The following ADCY1 variants were observed in gnomAD, a reference collection of about 807,000 sequenced individuals.
The protein encoded by ADCY1 is adenylate cyclase type 1.
In ADCY1, 28 loss-of-function variants were observed where a neutral mutation model predicts 105.4. The ratio of observed to expected loss-of-function variants is 0.27; its 90% CI spans 0.20 to 0.36. The LOEUF (loss-of-function observed/expected upper bound fraction) is 0.36, where lower values mean the gene tolerates loss of function less well. Among genes scored for constraint, ADCY1 ranks in the 10% least tolerant of loss-of-function variants. The probability of loss-of-function intolerance (pLI) is 1.00; values close to 1 mark genes in which losing one functional copy is unlikely to be tolerated. For missense variants in ADCY1, 977 were observed against 1,434.2 expected (o/e 0.68, Z 5.15); for synonymous variants, 655 against 623.8 (o/e 1.05, Z -0.75).
intron 17 of ADCY1, among the ~76,000 whole-genome samples, chr7:45,706,492 C>CAAAAAAAAAAAAAAAAAAAAAAAA (rs58794109): frequency 3.4e-5 from 2 of 59,460 alleles, no homozygotes; most frequent in African/African-American, 1.3e-4. Context: ...ACATCACATG[C>CAAAAAAAAAAAAAAAAAAAAAAAA]AAAAAAAAAA....
rs753688120 is a variant in ADCY1, at chr7:45,686,697, C to A, written c.2454+24C>A. 5 of 1,580,278 alleles carry A rather than the reference C, an allele frequency of 3.2e-6. No individual in the cohort carries two copies. In the African/African-American group the frequency reaches 6.8e-5, roughly 21 times the overall value. ...AGGCAAGACGAGCCCTTTCTGCTTT[C>A]TGGGGGTGGGGGATTTAGAGGAGGA... On this transcript the variant is annotated intron_variant, in intron 14 of 19. Transcript: ENST00000297323. This position sits in a 1 kb window ranked among gnomAD's most constrained non-coding sequence, Gnocchi z 4.3.
At chr7:45,679,873 T>C in intron 11 of ADCY1, 80 bp downstream of exon 11, 2 of 1,499,550 alleles carry the variant, frequency 1.3e-6, no homozygotes, top group Admixed American at 1.7e-5. Flanking sequence ...CACCTGCATA[T>C]CACCTGGTCC....
At chr7:45,637,204 T>C (rs1303463507) in intron 4 of ADCY1, among the ~76,000 whole-genome samples, 1 of 152,232 alleles carries the variant, frequency 6.6e-6, no homozygotes, top group Admixed American at 6.5e-5. Context: ...AAACTTACAA[T>C]TATATACATC....
chr7:45,708,388 G>A lies in ADCY1; in HGVS notation c.2856G>A (p.Ala952=), dbSNP rs748141521. Residue 952 remains alanine (A), a synonymous_variant, in exon 18 of 20, where the codon GCG becomes GCA. Transcript: ENST00000297323. This position sits in a 1 kb window ranked among gnomAD's most constrained non-coding sequence, Gnocchi z 4.7. ...TCTCCTCCCACCTGAGCACGCTGGC[G>A]GACTTTGCCATTGAGATGTTTGACG... is the stretch of plus-strand genomic sequence containing the variant. ...KSISSHLSTL[A]DFAIEMFDVL... The A allele has an allele frequency of 1.2e-5, 20 of 1,614,036 alleles. No homozygotes were observed. The highest frequency in any genetic ancestry group is 1.1e-4 in the East Asian group (5 of 44,890).
chr7:45,582,935 A>G lies in ADCY1; in HGVS notation c.639+7753A>G, dbSNP rs370317958. ...GCAGCACAGTCCCTGGAACAATCCC[A>G]TCTCCCTGGATTAAAGGGATGGCAG... On this transcript the variant is annotated intron_variant, in intron 1 of 19. Transcript: ENST00000297323. Among the ~76,000 whole-genome samples the G allele has an allele frequency of 9.2e-5, 14 of 152,278 alleles. 1 individual carries two copies. The South Asian group carries it at 2.9e-3, about 32-fold the overall frequency.
Position 45,721,458 on chromosome 7 carries a change from T to G in ADCY1, c.*7463T>G, listed in dbSNP as rs1785470406. On this transcript the variant is annotated 3_prime_UTR_variant, in exon 20 of 20. Transcript: ENST00000297323. ...AGAATCTCCTTAAGAGCTGTTGCCT[T>G]ATTTTTTTGTAAAGCCTCTCTGACA... The G allele has an allele frequency of 5.1e-6, 2 of 389,206 alleles. No homozygotes were observed. The highest frequency in any genetic ancestry group is 9.1e-6 in the Non-Finnish European group (2 of 220,760). 24.1% of individuals were successfully genotyped at this position (389,206 alleles called of 1,614,324 possible).
At chr7:45,683,189 G>A (rs1313869788) in intron 11 of ADCY1, among the ~76,000 whole-genome samples, 1 of 152,134 alleles carries the variant, frequency 6.6e-6, no homozygotes, top group Non-Finnish European at 1.5e-5. Context: ...ATGGGACACA[G>A]TATCTTAACA....
Position 45,575,111 on chromosome 7 carries a change from G to T in ADCY1, c.568G>T (p.Val190Leu), listed in dbSNP as rs1180605163. ...RSLLAIGFGLVVAASHLLVTA... is the reference protein window; with the variant it reads ...RSLLAIGFGLLVAASHLLVTA... ...CCTGCTGGCCATAGGCTTTGGGCTC[G>T]TGGTGGCTGCGTCGCACTTGCTGGT... is the stretch of plus-strand genomic sequence containing the variant. The change falls in exon 1 of 20, where the codon GTG (valine) becomes TTG (leucine). Residue 190 changes from valine to leucine, a missense_variant. Val to Leu is a conservative substitution (Grantham distance 32). Around this residue, in one of 7 missense-constraint regions of ADCY1, gnomAD observed 196 missense variants for 347.8 expected, o/e 0.56. Coordinates refer to ENST00000297323, the MANE Select transcript of ADCY1 (RefSeq NM_021116.4). The surrounding 1 kb of genome is among the most constrained non-coding windows in gnomAD (Gnocchi z 4.7). 3 of 1,612,440 alleles carry T rather than the reference G, an allele frequency of 1.9e-6. No homozygotes were observed. The highest frequency in any genetic ancestry group is 2.2e-5 in the South Asian group (2 of 91,034).
chr7:45,596,588 G>A (rs750040091), intron 2 of ADCY1, among the ~76,000 whole-genome samples: 3 of 152,214 alleles, frequency 2.0e-5, no homozygotes, highest in South Asian at 2.1e-4. Flanking sequence ...CCTGGGAGCC[G>A]ATGTGGGCAT....
intron 8 of ADCY1, among the ~76,000 whole-genome samples, chr7:45,667,554 A>G (rs1784285533): frequency 1.3e-5 from 2 of 152,208 alleles, no homozygotes; most frequent in Admixed American, 1.3e-4. Flanking sequence ...GTTTGAAGTC[A>G]GGTGGCATGA....
intron 2 of ADCY1, among the ~76,000 whole-genome samples, chr7:45,596,144 C>G (rs897989936): frequency 2.6e-5 from 4 of 152,244 alleles, no homozygotes; most frequent in Non-Finnish European, 5.9e-5. Flanking sequence ...TCATGTGTGT[C>G]AGCATGAAAC....
intron 4 of ADCY1, among the ~76,000 whole-genome samples, chr7:45,625,132 A>C (rs1243465505): frequency 6.6e-6 from 1 of 152,102 alleles, no homozygotes; most frequent in Non-Finnish European, 1.5e-5. Context: ...CTGGGCTGTC[A>C]CCCTGGTCCC....
At chr7:45,678,661 T>C (rs2116186807) in intron 10 of ADCY1, among the ~76,000 whole-genome samples, 1 of 151,560 alleles carries the variant, frequency 6.6e-6, no homozygotes, top group South Asian at 2.1e-4. Flanking sequence ...AGGAGGATTA[T>C]TTGAGGCCAG....
intron 4 of ADCY1, 136 bp from the exon 5 acceptor site, chr7:45,648,534 G>A: frequency 8.5e-7 from 1 of 1,178,012 alleles, no homozygotes; most frequent in Non-Finnish European, 1.2e-6. Flanking sequence ...GGCCTGGGCG[G>A]GAAGGTGGTG....
At chr7:45,696,355 C>T (rs1279436107) in intron 14 of ADCY1, among the ~76,000 whole-genome samples, 1 of 141,272 alleles carries the variant, frequency 7.1e-6, no homozygotes, top group African/African-American at 2.6e-5. Flanking sequence ...AGGAGAATGG[C>T]GTGAACCTGG....
At chr7:45,616,673 A>C (rs540061116) in intron 3 of ADCY1, among the ~76,000 whole-genome samples, 1 of 152,346 alleles carries the variant, frequency 6.6e-6, no homozygotes, top group Non-Finnish European at 1.5e-5. Context: ...CAACAAAATA[A>C]AAGCTATGTA....
rs1204064136 is a variant in ADCY1, at chr7:45,660,038, G to A, written c.1308-4G>A. The stretch of plus-strand genomic sequence containing the variant: ...CATCTGGCCTCTGCCTCCTCCTTTT[G>A]TAGGAAGGTTCATATCACAAAGACG... On this transcript the variant is annotated splice_polypyrimidine_tract_variant and splice_region_variant and intron_variant, in intron 6 of 19. Transcript: ENST00000297323. 6 of 1,613,856 alleles carry A rather than the reference G, an allele frequency of 3.7e-6. No individual in the cohort carries two copies. The highest frequency in any genetic ancestry group is 1.3e-5 in the African/African-American group (1 of 74,928).
At chr7:45,587,210 G>A (rs971733145) in intron 1 of ADCY1, among the ~76,000 whole-genome samples, 5 of 152,190 alleles carry the variant, frequency 3.3e-5, no homozygotes, top group African/African-American at 9.7e-5. Flanking sequence ...AGGTGGCAGT[G>A]AGGGTTGTGG....
chr7:45,664,782 C>CT, intron 8 of ADCY1: 1 of 187,550 alleles, frequency 5.3e-6, no homozygotes, highest in Non-Finnish European at 1.1e-5. Flanking sequence ...CCTTATTTTA[C>CT]TTTAAGTTCT....
Sources: gnomAD v4.1 joint callset for allele counts (sites outside exome capture counted in the v4.1 genomes callset) on GRCh38, gnomAD v4.1.1 for gene constraint, gnomAD v4.1.1 regional missense constraint, Gnocchi (gnomAD v3.1) non-coding constraint, MANE v1.5 for transcripts, NCBI Gene and HGNC (gene_info 2026-07-23, HGNC 2026-07-21) for gene names.